PCDHGA6: variants seen among roughly 807,000 people sequenced by gnomAD.
PCDHGA6 encodes protocadherin gamma-A6.
PCDHGA6 carries 41 observed loss-of-function variants against 60.6 expected under a neutral mutation model. The ratio of observed to expected loss-of-function variants is 0.68; its 90% CI spans 0.53 to 0.88. PCDHGA6 has a LOEUF of 0.88. Among genes scored for constraint, PCDHGA6 ranks in the 40% least tolerant of loss-of-function variants. The pLI is 0.00. For synonymous variants in PCDHGA6, 594 were observed against 524.4 expected (o/e 1.13, Z -1.81); for missense variants, 1,312 against 1,203.0 (o/e 1.09, Z -1.34).
chr5:141,421,073 G>A (rs2096544393), intron 1 of PCDHGA6: 4 of 613,858 alleles, frequency 6.5e-6, no homozygotes, highest in Non-Finnish European at 1.1e-5. Flanking sequence ...GGAATGAGAT[G>A]GATACTCACA....
At chr5:141,492,560 G>T (rs2099742000) in intron 1 of PCDHGA6, among the ~76,000 whole-genome samples, 1 of 152,156 alleles carries the variant, frequency 6.6e-6, no homozygotes, top group Non-Finnish European at 1.5e-5. Context: ...CCTGGGGGGC[G>T]GCCTGAGCGA....
At chr5:141,393,952 G>C in intron 1 of PCDHGA6, 4 of 1,613,916 alleles carry the variant, frequency 2.5e-6, no homozygotes, top group Non-Finnish European at 3.4e-6. Context: ...GGAAAGAATG[G>C]TCAAGTTGTC....
At chr5:141,509,327 G>A (rs2099876237) in intron 3 of PCDHGA6, among the ~76,000 whole-genome samples, 1 of 152,188 alleles carries the variant, frequency 6.6e-6, no homozygotes, top group African/African-American at 2.4e-5. Flanking sequence ...AAGCTCTACT[G>A]CCAGCTGGGC....
At chr5:141,503,607 A>G (rs141670522) in intron 2 of PCDHGA6, among the ~76,000 whole-genome samples, 63 of 151,996 alleles carry the variant, frequency 4.1e-4, no homozygotes, top group African/African-American at 1.4e-3. Flanking sequence ...TCAAAAAAAA[A>G]AAAAAAAGAA....
intron 1 of PCDHGA6, chr5:141,422,645 T>C: frequency 6.2e-7 from 1 of 1,612,232 alleles, no homozygotes; most frequent in Non-Finnish European, 8.5e-7. Flanking sequence ...GCCTCCATCT[T>C]CTCAGTGACC....
intron 1 of PCDHGA6, chr5:141,427,176 G>A (rs777424789): frequency 2.2e-6 from 1 of 456,742 alleles, no homozygotes; most frequent in Non-Finnish European, 4.4e-6. Context: ...TCAAAATGGG[G>A]AAATTAAATC....
intron 1 of PCDHGA6, chr5:141,417,742 G>A: frequency 7.0e-7 from 1 of 1,418,808 alleles, no homozygotes. Flanking sequence ...CAGCACACCA[G>A]ATTGCCAGCT....
At position 141,373,925 on chromosome 5, in the gene PCDHGA6, G is replaced by C. The variant is rs1769961983; in HGVS notation, c.-159G>C. ...CCTCCAACAACAAAGCAAATTAGAC[G>C]GGAAAGCAGGAAAGCTGTGCAGAAA... On this transcript the variant is annotated 5_prime_UTR_variant, in exon 1 of 4. Coordinates refer to ENST00000517434, the MANE Select transcript of PCDHGA6 (RefSeq NM_018919.3). The C allele has an allele frequency of 1.7e-5, 11 of 660,560 alleles. No homozygotes were observed. The highest frequency in any genetic ancestry group is 2.6e-5 in the Non-Finnish European group (11 of 426,086). 40.9% of individuals were successfully genotyped at this position (660,560 alleles called of 1,614,324 possible).
At chr5:141,502,862 CTGTCT>C (rs2099816366) in intron 2 of PCDHGA6, among the ~76,000 whole-genome samples, 2 of 68,560 alleles carry the variant, frequency 2.9e-5, no homozygotes, top group Admixed American at 3.3e-4. Flanking sequence ...CCCTGACTCT[CTGTCT>C]TTTTTTTTTT....
At chr5:141,502,818 C>T (rs1209481886) in intron 2 of PCDHGA6, among the ~76,000 whole-genome samples, 1 of 150,836 alleles carries the variant, frequency 6.6e-6, no homozygotes, top group Non-Finnish European at 1.5e-5. Context: ...ACTGTCTTTT[C>T]CTTGGGGAAG....
At chr5:141,426,116 G>A (rs1324245739) in intron 1 of PCDHGA6, among the ~76,000 whole-genome samples, 3 of 152,232 alleles carry the variant, frequency 2.0e-5, no homozygotes, top group African/African-American at 7.2e-5. Context: ...AAGCAAGTCG[G>A]AGAGTGGCCA....
At chr5:141,434,331 T>C (rs1271938024) in intron 1 of PCDHGA6, among the ~76,000 whole-genome samples, 3 of 152,186 alleles carry the variant, frequency 2.0e-5, no homozygotes, top group Non-Finnish European at 4.4e-5. Context: ...GCTTGTCTCT[T>C]TGTGTCGGGA....
At chr5:141,384,286 G>A (rs760333073) in intron 1 of PCDHGA6, 3 of 1,613,834 alleles carry the variant, frequency 1.9e-6, no homozygotes, top group South Asian at 2.2e-5. Context: ...CTACATCGCT[G>A]AGAACAACCC....
chr5:141,384,340 A>C (rs970369905), intron 1 of PCDHGA6: 6 of 1,613,856 alleles, frequency 3.7e-6, no homozygotes, highest in South Asian at 1.1e-5. Context: ...GGACCACGAC[A>C]GTGAGGATAA....
chr5:141,375,011 G>C lies in PCDHGA6; in HGVS notation c.928G>C (p.Glu310Gln). 1.2e-6 allele frequency: 2 copies of C among 1,614,028 alleles called. No individual in the cohort carries two copies. The highest frequency in any genetic ancestry group is 1.7e-6 in the Non-Finnish European group (2 of 1,179,894). Residue 310 changes from glutamate (E) to glutamine (Q), a missense_variant, in exon 1 of 4, where the codon GAG (glutamate) becomes CAG (glutamine). Glu to Gln is a conservative substitution (Grantham distance 29). Coordinates refer to ENST00000517434, the MANE Select transcript of PCDHGA6 (RefSeq NM_018919.3). Reference protein sequence around the residue: ...EISTSANLDYEDSSFYELGVE... With the variant: ...EISTSANLDYQDSSFYELGVE... ...TTCAACTTCTGCAAATCTAGACTATGAGGACTCGAGTTTTTATGAGCTGGG... is the reference window on the plus strand; with the variant it reads ...TTCAACTTCTGCAAATCTAGACTATCAGGACTCGAGTTTTTATGAGCTGGG...
intron 1 of PCDHGA6, chr5:141,393,683 G>A (rs370409157): frequency 9.9e-6 from 16 of 1,613,730 alleles, no homozygotes; most frequent in South Asian, 8.8e-5. Context: ...AACAAACTCC[G>A]TTATTCCAGC....
At chr5:141,404,783 G>A (rs758824309) in intron 1 of PCDHGA6, 39 of 1,613,798 alleles carry the variant, frequency 2.4e-5, no homozygotes, top group South Asian at 2.2e-4. Context: ...CCTATTCAAG[G>A]CCAGTGAGCC....
At position 141,490,688 on chromosome 5, in the gene PCDHGA6, C is replaced by A; in HGVS notation, c.2425-4119C>A. ...ACTGTGGCTGCCTCAGATCCAGACA[C>A]TGGGGATAATGCCCGCCTCACCTAC... On this transcript the variant is annotated intron_variant, in intron 1 of 3. Coordinates refer to ENST00000517434, the MANE Select transcript of PCDHGA6 (RefSeq NM_018919.3). The surrounding 1 kb of genome is among the most constrained non-coding windows in gnomAD (Gnocchi z 5.4). The A allele has an allele frequency of 6.2e-7, 1 of 1,614,218 alleles. No individual in the cohort carries two copies. The highest frequency in any genetic ancestry group is 8.5e-7 in the Non-Finnish European group (1 of 1,180,032).
In PCDHGA6 at chr5:141,413,182, G is replaced by C. The variant is rs752788034; in HGVS notation, c.2424+36675G>C. On this transcript the variant is annotated intron_variant, in intron 1 of 3. Transcript: ENST00000517434. ...ATTCTGTAACCAGACTACAATGGCCGCTCAAAGGAATCGCTCAAAGGAATC... is the reference window on the plus strand; with the variant it reads ...ATTCTGTAACCAGACTACAATGGCCCCTCAAAGGAATCGCTCAAAGGAATC... 3.1e-6 allele frequency: 5 copies of C among 1,604,164 alleles called. No homozygotes were observed. In the South Asian group the frequency reaches 5.5e-5, roughly 18 times the overall value.
Sources: gnomAD v4.1 joint callset for allele counts (sites outside exome capture counted in the v4.1 genomes callset) on GRCh38, gnomAD v4.1.1 for gene constraint, Gnocchi (gnomAD v3.1) non-coding constraint, MANE v1.5 for transcripts, NCBI Gene and HGNC (gene_info 2026-07-23, HGNC 2026-07-21) for gene names.